The following CHSY3 variants were observed in gnomAD, a reference collection of about 807,000 sequenced individuals.
CHSY3 encodes chondroitin sulfate synthase 3.
Under a neutral mutation model 67.2 loss-of-function variants are expected in CHSY3, and 35 were observed. The ratio of observed to expected loss-of-function variants is 0.52; its 90% CI spans 0.40 to 0.69. CHSY3 has a LOEUF of 0.69. Among genes scored for constraint, CHSY3 ranks in the 30% least tolerant of loss-of-function variants. CHSY3 has a pLI of 0.00. For synonymous variants in CHSY3, 474 were observed against 434.7 expected (o/e 1.09, Z -1.12); for missense variants, 1,069 against 1,138.5 (o/e 0.94, Z 0.88).
At chr5:130,034,316 C>T (rs977119436) in intron 2 of CHSY3, among the ~76,000 whole-genome samples, 1 of 152,072 alleles carries the variant, frequency 6.6e-6, no homozygotes, top group African/African-American at 2.4e-5. Context: ...ATGAAAGACT[C>T]TATCATTATA....
intron 1 of CHSY3, chr5:129,905,832 C>T: frequency 1.7e-6 from 2 of 1,143,158 alleles, no homozygotes; most frequent in South Asian, 1.8e-5. Flanking sequence ...AATCTGGACC[C>T]TCCTCACACC....
chr5:130,072,483 G>C (rs1766107508), intron 2 of CHSY3, among the ~76,000 whole-genome samples: 1 of 151,996 alleles, frequency 6.6e-6, no homozygotes. Context: ...ACTTGGGTTT[G>C]TTTCTGGGCT....
intron 2 of CHSY3, among the ~76,000 whole-genome samples, chr5:130,123,971 C>A (rs150644214): frequency 8.1e-6 from 1 of 122,900 alleles, no homozygotes; most frequent in Non-Finnish European, 1.6e-5. Flanking sequence ...AGGCAGGAGG[C>A]GGAGCTTGCA....
chr5:130,012,104 A>G (rs1040144076), intron 2 of CHSY3, among the ~76,000 whole-genome samples: 1 of 152,236 alleles, frequency 6.6e-6, no homozygotes, highest in African/African-American at 2.4e-5. Context: ...AAATATTTTA[A>G]AATTCATGTG....
intron 2 of CHSY3, among the ~76,000 whole-genome samples, chr5:130,048,249 G>T (rs1447458411): frequency 6.6e-6 from 1 of 151,868 alleles, no homozygotes; most frequent in Non-Finnish European, 1.5e-5. Flanking sequence ...TTTTACTATT[G>T]TGATAAGCAT....
chr5:130,173,888 CT>C (rs968478578), intron 2 of CHSY3, among the ~76,000 whole-genome samples: 43 of 151,330 alleles, frequency 2.8e-4, no homozygotes, highest in Non-Finnish European at 5.8e-4. Context: ...TTTTAAGAAT[CT>C]TACTTTTAAT....
At chr5:129,926,495 A>G (rs1268064035) in intron 2 of CHSY3, among the ~76,000 whole-genome samples, 2 of 152,002 alleles carry the variant, frequency 1.3e-5, no homozygotes, top group Non-Finnish European at 2.9e-5. Flanking sequence ...ATATAAATCC[A>G]TGATCATTGA....
intron 1 of CHSY3, among the ~76,000 whole-genome samples, chr5:129,906,129 C>T (rs949444355): frequency 2.0e-5 from 3 of 152,112 alleles, no homozygotes; most frequent in Admixed American, 6.5e-5. Flanking sequence ...GGATCTAGCG[C>T]ACTTTTGGAA....
chr5:130,150,731 C>T (rs939459258), intron 2 of CHSY3, among the ~76,000 whole-genome samples: 2 of 152,166 alleles, frequency 1.3e-5, no homozygotes, highest in Admixed American at 1.3e-4. Context: ...GATGTCCTTA[C>T]TAATGAAGGA....
At chr5:130,169,723 C>A (rs1031057244) in intron 2 of CHSY3, among the ~76,000 whole-genome samples, 5 of 150,116 alleles carry the variant, frequency 3.3e-5, no homozygotes, top group Admixed American at 6.7e-5. Flanking sequence ...ACCAATCCAA[C>A]CTTTGGCTTT....
intron 2 of CHSY3, among the ~76,000 whole-genome samples, chr5:129,952,691 G>A (rs891846698): frequency 1.3e-5 from 2 of 152,130 alleles, no homozygotes; most frequent in African/African-American, 4.8e-5. Context: ...ATTATTAGAT[G>A]TCTTTTGCAT....
intron 2 of CHSY3, among the ~76,000 whole-genome samples, chr5:130,114,129 T>A (rs186640747): frequency 1.3e-5 from 2 of 152,328 alleles, no homozygotes; most frequent in African/African-American, 4.8e-5. Context: ...CATAATAGTT[T>A]ATCCAAATGC....
chr5:129,928,593 A>G (rs962912988), intron 2 of CHSY3, among the ~76,000 whole-genome samples: 1 of 152,080 alleles, frequency 6.6e-6, no homozygotes, highest in Non-Finnish European at 1.5e-5. Flanking sequence ...CTAAATGCTG[A>G]TCTGTAGCTC....
At chr5:130,133,972 GTTA>G (rs1352914221) in intron 2 of CHSY3, among the ~76,000 whole-genome samples, 1 of 151,852 alleles carries the variant, frequency 6.6e-6, no homozygotes, top group Non-Finnish European at 1.5e-5. Flanking sequence ...TCTAACAACA[GTTA>G]TTAAGTATTG....
At position 130,130,255 on chromosome 5, in the gene CHSY3, C is replaced by T. The variant is rs374107699; in HGVS notation, c.1087-53974C>T. Among the ~76,000 whole-genome samples, 18 of 152,194 alleles carry T rather than the reference C, an allele frequency of 1.2e-4. 1 individual carries two copies. The highest frequency in any genetic ancestry group is 6.5e-4 in the Admixed American group (10 of 15,278). On this transcript the variant is annotated intron_variant, in intron 2 of 2. Transcript: ENST00000305031. ...TCTTCCCTGACATCAGATGTACACA[C>T]AATTAAGGCAAGATTTTTTATAGTT... is the stretch of plus-strand genomic sequence containing the variant.
intron 2 of CHSY3, among the ~76,000 whole-genome samples, chr5:129,966,428 C>T (rs1762470017): frequency 6.6e-6 from 1 of 151,762 alleles, no homozygotes. Flanking sequence ...TCTCTCTGAG[C>T]ATTTGAGCAC....
intron 2 of CHSY3, among the ~76,000 whole-genome samples, chr5:130,089,069 G>A (rs1766778411): frequency 6.6e-6 from 1 of 151,982 alleles, no homozygotes; most frequent in South Asian, 2.1e-4. Context: ...CATGTCCTTT[G>A]TAGGGACATG....
At chr5:129,917,658 G>A (rs1482147208) in intron 2 of CHSY3, among the ~76,000 whole-genome samples, 3 of 152,186 alleles carry the variant, frequency 2.0e-5, no homozygotes, top group African/African-American at 7.2e-5. Flanking sequence ...TATATTATTT[G>A]TTCCCCTCGT....
Position 129,904,945 on chromosome 5 carries a change from G to T in CHSY3, c.116G>T (p.Arg39Ile). ...PRVAELSERKRRGSSLCSYYG... is the reference protein window; with the variant it reads ...PRVAELSERKIRGSSLCSYYG... ...GTGGCGGAGCTGAGCGAGAGGAAGA[G>T]ACGTGGCTCCAGCCTCTGCTCCTAC... The change falls in exon 1 of 3, where the codon AGA (arginine) becomes ATA (isoleucine). Residue 39 changes from arginine (R) to isoleucine (I), a missense_variant. Physicochemically the swap from Arg to Ile is moderately conservative, Grantham distance 97 (BLOSUM62 -3). Around this residue, in one of 5 missense-constraint regions of CHSY3, gnomAD observed 309 missense variants for 262.5 expected, o/e 1.18. Coordinates refer to ENST00000305031, the MANE Select transcript of CHSY3 (RefSeq NM_175856.5). 1 of 1,556,068 alleles carries T rather than the reference G, an allele frequency of 6.4e-7. No homozygotes were observed. The highest frequency in any genetic ancestry group is 8.7e-7 in the Non-Finnish European group (1 of 1,155,332).
Sources: gnomAD v4.1 joint callset for allele counts (sites outside exome capture counted in the v4.1 genomes callset) on GRCh38, gnomAD v4.1.1 for gene constraint, gnomAD v4.1.1 regional missense constraint, MANE v1.5 for transcripts, NCBI Gene and HGNC (gene_info 2026-07-23, HGNC 2026-07-21) for gene names.